Variants in ZNF385D observed in about 807,000 individuals in gnomAD.
ZNF385D encodes the protein zinc finger protein 659.
ZNF385D carries 15 observed loss-of-function variants against 35.8 expected under a neutral mutation model. The observed-to-expected ratio is 0.42, with a 90% confidence interval of 0.28 to 0.64. The LOEUF (loss-of-function observed/expected upper bound fraction) is 0.64. Among genes scored for constraint, ZNF385D ranks in the 30% least tolerant of loss-of-function variants. ZNF385D has a pLI of 0.23. For missense variants in ZNF385D, 474 were observed against 494.6 expected, an observed-to-expected ratio of 0.96 and a Z score of 0.39; for synonymous variants, 212 against 186.8, an observed-to-expected ratio of 1.13 and a Z score of -1.10.
chr3:21,765,543 T>G (rs984524386), intron 3 of ZNF385D, among the ~76,000 whole-genome samples: 3 of 151,662 alleles, frequency 2.0e-5, no homozygotes, highest in Admixed American at 2.0e-4. Flanking sequence ...AACTAAGAGA[T>G]GGAGAAGGAA....
At chr3:21,575,607 C>T (rs2063474398) in intron 2 of ZNF385D, among the ~76,000 whole-genome samples, 1 of 152,178 alleles carries the variant, frequency 6.6e-6, no homozygotes, top group South Asian at 2.1e-4. Flanking sequence ...CATCCCCTGG[C>T]TAGTATTTTC....
intron 2 of ZNF385D, among the ~76,000 whole-genome samples, chr3:22,349,868 G>A (rs1194496209): frequency 6.6e-6 from 1 of 152,074 alleles, no homozygotes; most frequent in African/African-American, 2.4e-5. Flanking sequence ...GAATTCTTGT[G>A]TAGGACAATA....
upstream of ZNF385D, among the ~76,000 whole-genome samples, chr3:21,756,151 G>T (rs7616111): frequency 8.5e-5 from 13 of 152,212 alleles, no homozygotes; most frequent in East Asian, 9.7e-4. Flanking sequence ...GTAAGGTGAC[G>T]GGTTAGGAAG....
intron 3 of ZNF385D, among the ~76,000 whole-genome samples, chr3:21,512,994 T>C (rs1256592189): frequency 6.6e-6 from 1 of 152,118 alleles, no homozygotes; most frequent in East Asian, 1.9e-4. Context: ...AGATAATATA[T>C]ATTAAAAGAT....
At chr3:21,567,848 G>C (rs935879813) in intron 2 of ZNF385D, among the ~76,000 whole-genome samples, 2 of 151,924 alleles carry the variant, frequency 1.3e-5, no homozygotes, top group Non-Finnish European at 2.9e-5. Context: ...GTTTTTTTTA[G>C]TAACACTGGG....
chr3:21,787,711 A>G (rs980955696), intron 3 of ZNF385D, among the ~76,000 whole-genome samples: 2 of 152,286 alleles, frequency 1.3e-5, no homozygotes, highest in Admixed American at 6.5e-5. Flanking sequence ...CAGGAAGATC[A>G]CAACATATTT....
chr3:21,700,211 G>A (rs1341616284), intron 1 of ZNF385D, among the ~76,000 whole-genome samples: 1 of 152,076 alleles, frequency 6.6e-6, no homozygotes, highest in East Asian at 1.9e-4. Context: ...AAGGGGTTTA[G>A]CATGGTCAAG....
At chr3:22,170,810 T>C (rs557854329) in intron 2 of ZNF385D, among the ~76,000 whole-genome samples, 19 of 152,302 alleles carry the variant, frequency 1.2e-4, no homozygotes, top group African/African-American at 4.3e-4. Flanking sequence ...TTTAAATCTT[T>C]TATCTCAAAT....
intron 3 of ZNF385D, among the ~76,000 whole-genome samples, chr3:21,887,814 G>C (rs1001959730): frequency 6.6e-6 from 1 of 151,890 alleles, no homozygotes; most frequent in African/African-American, 2.4e-5. Context: ...ATATCACTAA[G>C]AATATGTCAG....
At chr3:22,175,011 T>A (rs1694722819) in intron 2 of ZNF385D, among the ~76,000 whole-genome samples, 3 of 151,852 alleles carry the variant, frequency 2.0e-5, no homozygotes, top group African/African-American at 7.3e-5. Flanking sequence ...CCTTATAGAG[T>A]CTCTTATAAA....
intron 2 of ZNF385D, among the ~76,000 whole-genome samples, chr3:22,263,484 T>C (rs1424155862): frequency 6.6e-6 from 1 of 152,084 alleles, no homozygotes; most frequent in Non-Finnish European, 1.5e-5. Flanking sequence ...CTTCCTTGAT[T>C]GCTTTCTTAA....
At chr3:21,442,237 G>C (rs553566505) in intron 4 of ZNF385D, among the ~76,000 whole-genome samples, 6 of 152,158 alleles carry the variant, frequency 3.9e-5, no homozygotes, top group African/African-American at 1.4e-4. Flanking sequence ...TCTGGTTACA[G>C]ACTTCATAAC....
chr3:21,652,970 C>T (rs962286782), intron 2 of ZNF385D, among the ~76,000 whole-genome samples: 28 of 151,686 alleles, frequency 1.8e-4, no homozygotes, highest in African/African-American at 5.8e-4. Flanking sequence ...CTTGTTTTTT[C>T]CTTACCTCTT....
chr3:21,651,137 A>T (rs1229665097), intron 2 of ZNF385D, among the ~76,000 whole-genome samples: 2 of 147,000 alleles, frequency 1.4e-5, no homozygotes, highest in Non-Finnish European at 3.0e-5. Flanking sequence ...AAAAAAAAAA[A>T]ATCAGCTGGG....
intron 2 of ZNF385D, among the ~76,000 whole-genome samples, chr3:22,224,383 C>G (rs1187580194): frequency 1.3e-5 from 2 of 152,056 alleles, no homozygotes; most frequent in African/African-American, 4.8e-5. Flanking sequence ...TATCTGAGTT[C>G]AAATATCTTT....
intron 5 of ZNF385D, among the ~76,000 whole-genome samples, chr3:21,436,586 G>A (rs912860931): frequency 6.6e-6 from 1 of 152,004 alleles, no homozygotes; most frequent in African/African-American, 2.4e-5. Context: ...GGTGCTTAGA[G>A]TCACGCAACT....
chr3:21,636,391 T>TAA, intron 2 of ZNF385D, among the ~76,000 whole-genome samples: 1 of 36,628 alleles, frequency 2.7e-5, no homozygotes, highest in Admixed American at 3.6e-4. Context: ...TATATATATA[T>TAA]ATATATATAT....
At chr3:21,917,098 C>T (rs1218289254) in intron 3 of ZNF385D, among the ~76,000 whole-genome samples, 1 of 152,100 alleles carries the variant, frequency 6.6e-6, no homozygotes, top group African/African-American at 2.4e-5. Context: ...ATTATTATCC[C>T]TAAAATGGAG....
At chr3:21,487,438 C>T (rs1705117578) in intron 4 of ZNF385D, among the ~76,000 whole-genome samples, 1 of 152,062 alleles carries the variant, frequency 6.6e-6, no homozygotes, top group African/African-American at 2.4e-5. Flanking sequence ...ACTGTCTCTA[C>T]TTCAAATTAC....
Sources: allele counts gnomAD v4.1 joint callset (sites outside exome capture counted in the v4.1 genomes callset), GRCh38; gene constraint gnomAD v4.1.1; transcripts MANE v1.5; gene names NCBI Gene and HGNC (gene_info 2026-07-23, HGNC 2026-07-21).